Variants in UBR2 observed in about 807,000 individuals in gnomAD.
UBR2 encodes the protein ubiquitin protein ligase E3 component n-recognin 2.
UBR2 carries 92 observed loss-of-function variants against 247.9 expected under a neutral mutation model. The observed-to-expected ratio is 0.37, with a 90% CI of 0.31 to 0.44. The LOEUF (loss-of-function observed/expected upper bound fraction) is 0.44. UBR2 is among the 20% of genes least tolerant of loss of function. The pLI is 1.00. For missense variants in UBR2, 1,613 were observed against 2,112.6 expected (o/e 0.76, Z 4.64); for synonymous variants, 672 against 693.5 (o/e 0.97, Z 0.49).
intron 6 of UBR2, among the ~76,000 whole-genome samples, chr6:42,606,331 A>T (rs1018349008): frequency 6.6e-6 from 1 of 152,212 alleles, no homozygotes; most frequent in Non-Finnish European, 1.5e-5. Context: ...TTAAGAGAAC[A>T]TATAGTTATT....
At chr6:42,654,568 T>TA (rs1390164013) in intron 25 of UBR2, among the ~76,000 whole-genome samples, 2 of 151,912 alleles carry the variant, frequency 1.3e-5, no homozygotes, top group Admixed American at 6.6e-5. Flanking sequence ...CTACTAAAAA[T>TA]AAAAAAATTA....
chr6:42,615,341 G>A (rs879140933), intron 9 of UBR2, among the ~76,000 whole-genome samples, 163 bp downstream of exon 9: 1 of 152,156 alleles, frequency 6.6e-6, no homozygotes, highest in African/African-American at 2.4e-5. Context: ...GTGGGGTGGG[G>A]TCCATGATCC....
At chr6:42,614,992 C>A in intron 8 of UBR2, 79 bp from the exon 9 acceptor site, 1 of 1,162,850 alleles carries the variant, frequency 8.6e-7, no homozygotes, top group Non-Finnish European at 1.2e-6. Flanking sequence ...CTCTACAGAT[C>A]CATTTGAACA....
chr6:42,638,323 A>G (rs1221051225), intron 15 of UBR2, among the ~76,000 whole-genome samples: 1 of 152,040 alleles, frequency 6.6e-6, no homozygotes, highest in Non-Finnish European at 1.5e-5. Context: ...TTTAATGTAC[A>G]TGGGGTCAGT....
chr6:42,664,508 G>A (rs9394913), intron 32 of UBR2, among the ~76,000 whole-genome samples: 37,504 of 152,108 alleles, frequency 0.25, 5,040 homozygotes, highest in East Asian at 0.46. Context: ...CCATTTCTGT[G>A]TTATTTGGAT....
chr6:42,691,133 C>T lies in UBR2; in HGVS notation c.5228C>T (p.Ala1743Val). The T allele has an allele frequency of 6.2e-7, 1 of 1,614,102 alleles. No individual in the cohort carries two copies. The highest frequency in any genetic ancestry group is 8.5e-7 in the Non-Finnish European group (1 of 1,180,010). The change falls in exon 47 of 47, where the codon GCC becomes GTC. Residue 1743 changes from alanine (A) to valine (V), a missense_variant. By Grantham distance (64) the Ala-to-Val change is moderately conservative. Coordinates refer to ENST00000372901, the MANE Select transcript of UBR2 (RefSeq NM_001363705.2). Reference sequence around the variant, plus strand: ...GAGGAAATTGGACATGCACAGGAAGCCAATCAGACACTGGTTGGCATTGAC... The same window carrying T: ...GAGGAAATTGGACATGCACAGGAAGTCAATCAGACACTGGTTGGCATTGAC... Reference protein sequence around the residue: ...VTEEIGHAQEANQTLVGIDWQ... With the variant: ...VTEEIGHAQEVNQTLVGIDWQ...
chr6:42,639,638 G>A (rs192094373), intron 15 of UBR2, among the ~76,000 whole-genome samples: 6 of 152,302 alleles, frequency 3.9e-5, no homozygotes, highest in Admixed American at 2.0e-4. Flanking sequence ...AGTAAGGACC[G>A]TGAATTCCAG....
intron 36 of UBR2, among the ~76,000 whole-genome samples, chr6:42,673,358 G>A (rs1798550726): frequency 2.0e-5 from 3 of 152,204 alleles, no homozygotes; most frequent in Admixed American, 2.0e-4. Context: ...GTCTCGCTCT[G>A]TTTTCCAGGC....
intron 7 of UBR2, among the ~76,000 whole-genome samples, chr6:42,610,125 G>A (rs1409520626): frequency 6.6e-6 from 1 of 152,086 alleles, no homozygotes; most frequent in African/African-American, 2.4e-5. Flanking sequence ...TGTAGTATGT[G>A]ATCATGGTAC....
intron 34 of UBR2, among the ~76,000 whole-genome samples, chr6:42,668,192 CTTA>C (rs1798235964): frequency 1.3e-5 from 2 of 152,172 alleles, no homozygotes; most frequent in African/African-American, 4.8e-5. Flanking sequence ...CCCTGCTCCT[CTTA>C]TTTTCTGGAT....
intron 7 of UBR2, among the ~76,000 whole-genome samples, chr6:42,609,861 AT>A (rs1254363599): frequency 1.3e-5 from 2 of 149,054 alleles, no homozygotes; most frequent in African/African-American, 5.0e-5. Context: ...ACACCATTGC[AT>A]TCCAGCCTGG....
chr6:42,630,133 CAGTAGTAGT>C (rs79492372), intron 11 of UBR2, among the ~76,000 whole-genome samples: 4 of 148,948 alleles, frequency 2.7e-5, no homozygotes, highest in Non-Finnish European at 5.9e-5. Flanking sequence ...GTAGCAGTAG[CAGTAGTAGT>C]AGTAGTAGTA....
intron 7 of UBR2, among the ~76,000 whole-genome samples, chr6:42,611,959 C>A (rs1267974779): frequency 6.7e-6 from 1 of 150,018 alleles, no homozygotes; most frequent in African/African-American, 2.5e-5. Flanking sequence ...ACTAGCTGAA[C>A]CTTCGTATTT....
In UBR2 at chr6:42,640,330, TCACTTTGAAACAC is replaced by T; in HGVS notation, c.1920+61_1920+73del. The T allele has an allele frequency of 2.7e-6, 4 of 1,486,548 alleles. No homozygotes were observed. The Admixed American group carries it at 8.4e-5, about 31-fold the overall frequency. 92.1% of individuals were successfully genotyped at this position (1,486,548 alleles called of 1,614,324 possible). The stretch of plus-strand genomic sequence containing the variant: ...TTTATTATGTTCTTTGTATTTGGAA[TCACTTTGAAACAC>T]ATTTTTAGTTTGGGTTCTCCAGAGG... On this transcript the variant is annotated intron_variant, in intron 16 of 46. Transcript: ENST00000372901.
At chr6:42,675,119 G>A (rs1047929556) in intron 38 of UBR2, among the ~76,000 whole-genome samples, 1 of 152,132 alleles carries the variant, frequency 6.6e-6, no homozygotes, top group Non-Finnish European at 1.5e-5. Context: ...AACTCAGTGA[G>A]TTAATCCATG....
intron 34 of UBR2, among the ~76,000 whole-genome samples, chr6:42,669,198 T>C (rs1342136640): frequency 1.3e-5 from 2 of 152,208 alleles, no homozygotes; most frequent in African/African-American, 4.8e-5. Flanking sequence ...GTGCTAGGAT[T>C]ACATGCTGAG....
chr6:42,670,353 TAATA>T, intron 35 of UBR2, 113 bp downstream of exon 35: 1 of 1,343,932 alleles, frequency 7.4e-7, no homozygotes, highest in Middle Eastern at 2.2e-4. Context: ...CGTGAAGAAA[TAATA>T]AAAAGACTTA....
At chr6:42,681,598 A>G (rs1001668551) in intron 42 of UBR2, among the ~76,000 whole-genome samples, 6 of 152,066 alleles carry the variant, frequency 3.9e-5, no homozygotes, top group African/African-American at 1.5e-4. Flanking sequence ...GAAAATTACA[A>G]ATGTTTACAA....
rs1306557810 is a variant in UBR2, at chr6:42,688,278, T to C, written c.4916T>C (p.Leu1639Pro). 6.2e-7 allele frequency: 1 copy of C among 1,614,178 alleles called. No individual in the cohort carries two copies. The highest frequency in any genetic ancestry group is 2.2e-5 in the East Asian group (1 of 44,878). ...ACTCTGTGCCTTGTGTGCGGATCTC[T>C]GCTGTGCTCCCAGAGTTACTGCTGC... ...APTLCLVCGS[L>P]LCSQSYCCQT... The change falls in exon 45 of 47, where the codon CTG (leucine) becomes CCG (proline). Residue 1639 changes from leucine (L) to proline (P), a missense_variant. Leu to Pro is a moderately conservative substitution (Grantham distance 98). Transcript: ENST00000372901.
Sources: allele counts gnomAD v4.1 joint callset (sites outside exome capture counted in the v4.1 genomes callset), GRCh38; gene constraint gnomAD v4.1.1; transcripts MANE v1.5; gene names NCBI Gene and HGNC (gene_info 2026-07-23, HGNC 2026-07-21).